HK1: variants seen among roughly 807,000 people sequenced by gnomAD.
The protein encoded by HK1 is hexokinase 1.
HK1 carries 28 observed loss-of-function variants against 91.6 expected under a neutral mutation model. The observed-to-expected ratio is 0.31, with a 90% CI of 0.23 to 0.42. The LOEUF (loss-of-function observed/expected upper bound fraction) is 0.42. Among genes scored for constraint, HK1 ranks in the 10% least tolerant of loss-of-function variants. The pLI is 1.00. For missense variants in HK1, 770 were observed against 1,219.8 expected (o/e 0.63, Z 5.49); for synonymous variants, 430 against 468.1 (o/e 0.92, Z 1.05).
chr10:69,357,263 A>G lies in HK1; in HGVS notation c.227-2634A>G, dbSNP rs577471599. On this transcript the variant is annotated intron_variant, in intron 2 of 17. Transcript: ENST00000359426. ...AAATATTCATAGTAGTGTTATTCAT[A>G]ATAGCCAAAAGGTAGAAACAAACCA... 5.3e-5 allele frequency among the ~76,000 whole-genome samples: 8 copies of G among 152,366 alleles called. No homozygotes were observed. In the South Asian group the frequency reaches 1.7e-3, roughly 32 times the overall value.
rs866114298 is a variant in HK1, at chr10:69,294,010, C to T, written c.-114-1623C>T. On this transcript the variant is annotated intron_variant, in intron 3 of 21. Coordinates refer to the HK1 transcript ENST00000360289. ...CCGAGTAGCTGGGACTACAGGCGCC[C>T]ACCACCACGCCCGGCTGATTTTTTG... is the stretch of plus-strand genomic sequence containing the variant. Among the ~76,000 whole-genome samples, 23 of 151,692 alleles carry T rather than the reference C, an allele frequency of 1.5e-4. No homozygotes were observed. The South Asian group carries it at 2.1e-3, about 14-fold the overall frequency.
rs1275914584 is a variant in HK1, at chr10:69,369,157, C to T, written c.592-80C>T. ...AGCAGGGGTTCTGAAAACGGGAGCA[C>T]TTCTGCCAAGCGCTGTTAAGGTGTG... On this transcript the variant is annotated intron_variant, in intron 5 of 17. Transcript: ENST00000359426. This position sits in a 1 kb window ranked among gnomAD's most constrained non-coding sequence, Gnocchi z 4.4. 9.3e-7 allele frequency: 1 copy of T among 1,076,996 alleles called. No individual in the cohort carries two copies. The highest frequency in any genetic ancestry group is 1.4e-6 in the Non-Finnish European group (1 of 698,514). 66.7% of individuals were successfully genotyped at this position (1,076,996 alleles called of 1,614,324 possible). A position where few individuals can be genotyped will look rare whatever the true frequency, so the allele number is the denominator to read the frequency against.
intron 3 of HK1, among the ~76,000 whole-genome samples, chr10:69,293,957 G>A (rs1845422533): frequency 6.7e-6 from 1 of 148,222 alleles, no homozygotes; most frequent in Admixed American, 7.0e-5. Flanking sequence ...CGCCTCCCGG[G>A]TTCACGCCAT....
rs771140601 is a variant in HK1, at chr10:69,392,168, G to A, written c.2079G>A (p.Val693=). Residue 693 remains valine (V), a synonymous_variant, in exon 15 of 18, where the codon GTG becomes GTA. Coordinates refer to ENST00000359426, the MANE Select transcript of HK1 (RefSeq NM_000188.3). ...NACYMEEMKN[V]EMVEGDQGQM... is the part of the protein sequence containing the mutation. Reference sequence around the variant, plus strand: ...GCTACATGGAGGAGATGAAGAACGTGGAGATGGTGGAGGGGGACCAGGGGC... The same window carrying A: ...GCTACATGGAGGAGATGAAGAACGTAGAGATGGTGGAGGGGGACCAGGGGC... 1.1e-5 allele frequency: 18 copies of A among 1,614,110 alleles called. No homozygotes were observed. Among genetic ancestry groups the A allele is most frequent in the Non-Finnish European group, 8.5e-7 (1 of 1,180,052 alleles).
At chr10:69,348,694 C>A (rs1281850602) in intron 2 of HK1, among the ~76,000 whole-genome samples, 2 of 152,134 alleles carry the variant, frequency 1.3e-5, no homozygotes, top group African/African-American at 4.8e-5. Flanking sequence ...GCCTGTAATC[C>A]CAGCTACCTG....
At chr10:69,371,324 C>A (rs1221331316) in intron 7 of HK1, among the ~76,000 whole-genome samples, 1 of 149,394 alleles carries the variant, frequency 6.7e-6, no homozygotes, top group Non-Finnish European at 1.5e-5. Flanking sequence ...ATACCCCCCC[C>A]CACCCCGCCC....
Position 69,382,671 on chromosome 10 carries a change from C to A in HK1, c.1450C>A (p.Leu484Met). 2 of 1,613,942 alleles carry A rather than the reference C, an allele frequency of 1.2e-6. No individual in the cohort carries two copies. Among genetic ancestry groups the A allele is most frequent in the Non-Finnish European group, 1.7e-6 (2 of 1,179,974 alleles). Residue 484 changes from leucine to methionine, a missense_variant, in exon 10 of 18, where the codon CTG becomes ATG. Physicochemically the swap from Leu to Met is conservative, Grantham distance 15 (BLOSUM62 2). This residue lies in a region of HK1 where 449 missense variants were observed against 665.1 expected (regional missense o/e 0.68). Transcript: ENST00000359426. ...TCATTTCCACCTCACCAAGGACATGCTGCTGGAGGTGAAGAAGAGGATGCG... is the reference window on the plus strand; with the variant it reads ...TCATTTCCACCTCACCAAGGACATGATGCTGGAGGTGAAGAAGAGGATGCG... ...LAHFHLTKDM[L>M]LEVKKRMRAE...
intron 13 of HK1, among the ~76,000 whole-genome samples, chr10:69,388,190 G>A (rs1180486692): frequency 6.6e-6 from 1 of 152,084 alleles, no homozygotes; most frequent in African/African-American, 2.4e-5. Flanking sequence ...CAAGGCAGGA[G>A]GAACTTTGGG....
At chr10:69,340,936 A>G (rs942459690) in intron 1 of HK1, among the ~76,000 whole-genome samples, 1 of 151,756 alleles carries the variant, frequency 6.6e-6, no homozygotes, top group African/African-American at 2.4e-5. Flanking sequence ...CGGACTTCAC[A>G]CATGCCCTTG....
intron 12 of HK1, among the ~76,000 whole-genome samples, chr10:69,385,329 G>A (rs1839581927): frequency 6.6e-6 from 1 of 152,202 alleles, no homozygotes; most frequent in African/African-American, 2.4e-5. Flanking sequence ...GATAATAAAT[G>A]TTTGTTCAAT....
chr10:69,274,426 T>G (rs1257750601), intron 1 of HK1, among the ~76,000 whole-genome samples: 1 of 151,928 alleles, frequency 6.6e-6, no homozygotes, highest in African/African-American at 2.4e-5. Context: ...GGTGAAACCT[T>G]GTCTCTACCA....
In HK1 at chr10:69,398,831, G is replaced by A; in HGVS notation, c.2609+3G>A. On this transcript the variant is annotated splice_donor_region_variant and intron_variant, in intron 17 of 17. Transcript: ENST00000359426. ...ACACTCTACAAGCTTCATCCACAGT[G>A]AGTGGGCCTTCCAGTTGGGATGCGC... is the stretch of plus-strand genomic sequence containing the variant. 1 of 1,601,438 alleles carries A rather than the reference G, an allele frequency of 6.2e-7. No homozygotes were observed. The highest frequency in any genetic ancestry group is 8.6e-7 in the Non-Finnish European group (1 of 1,168,846).
chr10:69,336,382 G>A (rs960410795), intron 1 of HK1, among the ~76,000 whole-genome samples: 4 of 151,584 alleles, frequency 2.6e-5, no homozygotes, highest in Admixed American at 2.0e-4. Flanking sequence ...GTAGAGACAG[G>A]GTTTCTCCAT....
At chr10:69,359,816 G>T (rs1231734318) in intron 2 of HK1, 81 bp from the exon 3 acceptor site, 1 of 1,375,122 alleles carries the variant, frequency 7.3e-7, no homozygotes, top group Non-Finnish European at 1.0e-6. Flanking sequence ...CAGGGCCTAC[G>T]CCCTGCCAGG....
chr10:69,336,521 A>G (rs1239115525), intron 1 of HK1, among the ~76,000 whole-genome samples: 2 of 151,840 alleles, frequency 1.3e-5, no homozygotes, highest in Non-Finnish European at 2.9e-5. Context: ...AAAAAATGAA[A>G]CAGTGTAAAT....
intron 16 of HK1, among the ~76,000 whole-genome samples, chr10:69,396,250 G>A (rs12415409): frequency 0.16 from 21,585 of 138,870 alleles, 1,943 homozygotes; most frequent in Admixed American, 0.2. Flanking sequence ...CATCCTGGGC[G>A]ACAGAGACAG....
At chr10:69,283,312 G>A (rs1844854511) in intron 2 of HK1, among the ~76,000 whole-genome samples, 1 of 149,202 alleles carries the variant, frequency 6.7e-6, no homozygotes, top group Non-Finnish European at 1.5e-5. Context: ...AAATTAGCCT[G>A]ACGTGGTGGT....
chr10:69,313,780 G>A (rs889940672), upstream of HK1, among the ~76,000 whole-genome samples: 1 of 152,098 alleles, frequency 6.6e-6, no homozygotes, highest in African/African-American at 2.4e-5. Flanking sequence ...CAGGCGTGAG[G>A]CACCGGCCTG....
intron 1 of HK1, among the ~76,000 whole-genome samples, chr10:69,331,174 C>T (rs975053340): frequency 6.6e-6 from 1 of 152,194 alleles, no homozygotes; most frequent in Non-Finnish European, 1.5e-5. Context: ...GCCGCCACGC[C>T]GGGCCAGAGT....
Sources: gnomAD v4.1 joint callset for allele counts (sites outside exome capture counted in the v4.1 genomes callset) on GRCh38, gnomAD v4.1.1 for gene constraint, gnomAD v4.1.1 regional missense constraint, Gnocchi (gnomAD v3.1) non-coding constraint, MANE v1.5 for transcripts, NCBI Gene and HGNC (gene_info 2026-07-23, HGNC 2026-07-21) for gene names.